MARCHF1: variants seen among roughly 807,000 people sequenced by gnomAD.
The protein encoded by MARCHF1 is E3 ubiquitin-protein ligase MARCHF1.
In MARCHF1, 40 loss-of-function variants were observed where a neutral mutation model predicts 54.2. The ratio of observed to expected loss-of-function variants is 0.74; its 90% CI spans 0.57 to 0.96. The LOEUF (loss-of-function observed/expected upper bound fraction) is 0.96, where lower values mean the gene tolerates loss of function less well. Among genes scored for constraint, MARCHF1 ranks in the 40% least tolerant of loss-of-function variants. MARCHF1 has a pLI of 0.00. For missense variants in MARCHF1, 586 were observed against 656.5 expected, an observed-to-expected ratio of 0.89 and a Z score of 1.17; for synonymous variants, 236 against 236.3, an observed-to-expected ratio of 1.00 and a Z score of 0.01.
intron 1 of MARCHF1, among the ~76,000 whole-genome samples, chr4:164,231,739 G>A (rs1732419399): frequency 6.6e-6 from 1 of 152,060 alleles, no homozygotes; most frequent in African/African-American, 2.4e-5. Flanking sequence ...CAACATTAAA[G>A]TATCCAAAGA....
At chr4:164,222,098 AT>A (rs2111154465) in intron 1 of MARCHF1, among the ~76,000 whole-genome samples, 1 of 152,040 alleles carries the variant, frequency 6.6e-6, no homozygotes, top group South Asian at 2.1e-4. Flanking sequence ...AAGAATGGAA[AT>A]TTTTTCTAAG....
intron 4 of MARCHF1, among the ~76,000 whole-genome samples, chr4:163,768,540 A>G (rs1032281428): frequency 2.6e-5 from 4 of 152,218 alleles, no homozygotes; most frequent in Non-Finnish European, 5.9e-5. Flanking sequence ...GCACTGAATG[A>G]AAAGTCATGA....
At chr4:164,159,469 C>T (rs1730171039) in intron 1 of MARCHF1, among the ~76,000 whole-genome samples, 1 of 151,910 alleles carries the variant, frequency 6.6e-6, no homozygotes, top group South Asian at 2.1e-4. Flanking sequence ...GGGTAAAAGA[C>T]ACAATGGAGG....
At chr4:164,007,774 T>C (rs1753329901) in intron 2 of MARCHF1, among the ~76,000 whole-genome samples, 1 of 152,080 alleles carries the variant, frequency 6.6e-6, no homozygotes, top group South Asian at 2.1e-4. Flanking sequence ...TCTATAGAAT[T>C]ATTTTTGTAA....
intron 3 of MARCHF1, among the ~76,000 whole-genome samples, chr4:163,916,520 T>C (rs1406140523): frequency 7.7e-6 from 1 of 129,066 alleles, no homozygotes; most frequent in Non-Finnish European, 1.6e-5. Flanking sequence ...GATGTGCCTG[T>C]GAATAGCCAG....
At chr4:164,040,309 C>T (rs926531228) in intron 2 of MARCHF1, among the ~76,000 whole-genome samples, 79 of 114,742 alleles carry the variant, frequency 6.9e-4, no homozygotes, top group African/African-American at 2.7e-3. Flanking sequence ...AGTACATATA[C>T]TTATAAATAT....
chr4:163,730,363 G>C (rs79873208), intron 4 of MARCHF1, among the ~76,000 whole-genome samples: 14 of 151,962 alleles, frequency 9.2e-5, no homozygotes, highest in African/African-American at 3.4e-4. Context: ...TAAAGTCTTT[G>C]TCTGGCAGAT....
intron 1 of MARCHF1, among the ~76,000 whole-genome samples, chr4:164,167,748 T>C (rs1384679529): frequency 6.6e-6 from 1 of 151,852 alleles, no homozygotes; most frequent in Non-Finnish European, 1.5e-5. Context: ...ATAGAACCCT[T>C]AGCTTATACC....
chr4:163,769,370 G>T (rs1014810527), intron 4 of MARCHF1, among the ~76,000 whole-genome samples: 1 of 152,118 alleles, frequency 6.6e-6, no homozygotes, highest in African/African-American at 2.4e-5. Flanking sequence ...TAGTATAATA[G>T]ATACTATAAA....
At chr4:163,813,509 C>T (rs1232211677) in intron 4 of MARCHF1, among the ~76,000 whole-genome samples, 1 of 152,148 alleles carries the variant, frequency 6.6e-6, no homozygotes, top group Non-Finnish European at 1.5e-5. Context: ...ACACATCTGA[C>T]TTCTACAAAG....
chr4:163,907,874 C>T (rs1274784369), intron 3 of MARCHF1, among the ~76,000 whole-genome samples: 8 of 151,984 alleles, frequency 5.3e-5, no homozygotes, highest in African/African-American at 1.9e-4. Flanking sequence ...CACATGACTC[C>T]CCCATTATAT....
chr4:163,712,807 C>T (rs1745146236), intron 4 of MARCHF1, among the ~76,000 whole-genome samples: 1 of 152,150 alleles, frequency 6.6e-6, no homozygotes, highest in Non-Finnish European at 1.5e-5. Flanking sequence ...CCCTCAGTGT[C>T]ACTTATGGTC....
chr4:163,986,776 TA>T (rs1219171493), intron 3 of MARCHF1, among the ~76,000 whole-genome samples: 1 of 152,212 alleles, frequency 6.6e-6, no homozygotes, highest in Non-Finnish European at 1.5e-5. Context: ...CTAACATGAA[TA>T]AAAAACATTT....
chr4:163,675,051 A>T (rs533978547), intron 5 of MARCHF1, among the ~76,000 whole-genome samples: 10 of 152,304 alleles, frequency 6.6e-5, no homozygotes, highest in Middle Eastern at 3.4e-3. Flanking sequence ...AGAAGAGTTG[A>T]TGGATGCTAA....
At chr4:163,860,884 T>C (rs1262023722) in intron 3 of MARCHF1, among the ~76,000 whole-genome samples, 2 of 152,176 alleles carry the variant, frequency 1.3e-5, no homozygotes, top group African/African-American at 4.8e-5. Flanking sequence ...CAGTTTCTAC[T>C]GCCTGATGTA....
At chr4:164,023,852 T>C (rs929491069) in intron 2 of MARCHF1, among the ~76,000 whole-genome samples, 2 of 151,828 alleles carry the variant, frequency 1.3e-5, no homozygotes, top group Non-Finnish European at 2.9e-5. Flanking sequence ...AGCAGAAAAA[T>C]CCAAAGGCTG....
At chr4:164,306,120 GA>G (rs202018122) in intron 1 of MARCHF1, among the ~76,000 whole-genome samples, 18 of 151,506 alleles carry the variant, frequency 1.2e-4, no homozygotes, top group East Asian at 3.9e-4. Flanking sequence ...GAATAAAATG[GA>G]AAAAAAATAG....
intron 4 of MARCHF1, among the ~76,000 whole-genome samples, chr4:163,819,043 C>T (rs2111045517): frequency 6.6e-6 from 1 of 152,232 alleles, no homozygotes; most frequent in African/African-American, 2.4e-5. Context: ...CCATCATCAG[C>T]ATGGCCTCCA....
intron 2 of MARCHF1, among the ~76,000 whole-genome samples, chr4:164,058,416 T>G (rs1754541418): frequency 6.6e-6 from 1 of 152,248 alleles, no homozygotes; most frequent in South Asian, 2.1e-4. Flanking sequence ...GTAGAAGAAC[T>G]CATACCCAAG....
Sources: allele counts gnomAD v4.1 joint callset (sites outside exome capture counted in the v4.1 genomes callset), GRCh38; gene constraint gnomAD v4.1.1; transcripts MANE v1.5; gene names NCBI Gene and HGNC (gene_info 2026-07-23, HGNC 2026-07-21).